PHC2: variants seen among roughly 807,000 people sequenced by gnomAD.
PHC2 encodes the protein polyhomeotic homolog 2.
A neutral mutation model predicts 87.4 loss-of-function variants in PHC2; 29 were observed. The ratio of observed to expected loss-of-function variants is 0.33; its 90% CI spans 0.25 to 0.45. PHC2 has a LOEUF of 0.45. Ranked by LOEUF, PHC2 falls within the 20% of genes least tolerant of loss-of-function variation. The pLI is 1.00. For missense variants in PHC2, 857 were observed against 1,136.7 expected (o/e 0.75, Z 3.54); for synonymous variants, 438 against 461.7 (o/e 0.95, Z 0.66).
At position 33,370,999 on chromosome 1, in the gene PHC2, C is replaced by T; in HGVS notation, c.411+18G>A. On this transcript the variant is annotated intron_variant, in intron 4 of 14. Coordinates refer to ENST00000683057, the MANE Select transcript of PHC2 (RefSeq NM_001385109.1). ...CCTGGGGCTGTGGACTCTGCTGCTG[C>T]TCCCCCATTCTACTCACCGAAGATG... The T allele has an allele frequency of 1.2e-6, 2 of 1,608,030 alleles. No homozygotes were observed. Among genetic ancestry groups the T allele is most frequent in the Middle Eastern group, 3.3e-4 (2 of 5,982 alleles).
At chr1:33,410,748 C>G (rs761990653) in intron 1 of PHC2, among the ~76,000 whole-genome samples, 5 of 152,120 alleles carry the variant, frequency 3.3e-5, no homozygotes, top group Non-Finnish European at 7.3e-5. Flanking sequence ...CTGGAACTGG[C>G]ATTGGGGGAA....
rs1404372420 is a variant in PHC2 at position 33,354,842 on chromosome 1, G to C, written c.1388C>G (p.Pro463Arg). 3 of 1,613,176 alleles carry C rather than the reference G, an allele frequency of 1.9e-6. No individual in the cohort carries two copies. The highest frequency in any genetic ancestry group is 2.5e-6 in the Non-Finnish European group (3 of 1,179,502). ...AVILQLQPASPVPQQCVPDDW... is the reference protein window; with the variant it reads ...AVILQLQPASRVPQQCVPDDW... ...CCTTGGGGCTGGCTTACTCACCACT[G>C]GTGAAGCAGGCTGCAGTTGTAAGAT... Residue 463 changes from proline to arginine, a missense_variant, in exon 8 of 15, where the codon CCA becomes CGA. Transcript: ENST00000683057.
intron 3 of PHC2, among the ~76,000 whole-genome samples, chr1:33,371,300 G>A (rs1180491397): frequency 6.6e-6 from 1 of 152,102 alleles, no homozygotes; most frequent in Non-Finnish European, 1.5e-5. Flanking sequence ...CTGCCTGATA[G>A]GATTGCTGAG....
Position 33,349,189 on chromosome 1 carries a change from C to A in PHC2, c.1558+5212G>T, listed in dbSNP as rs1359265418. On this transcript the variant is annotated intron_variant, in intron 9 of 14. Transcript: ENST00000683057. The surrounding 1 kb of genome is among the most constrained non-coding windows in gnomAD (Gnocchi z 4.2). The stretch of plus-strand genomic sequence containing the variant: ...TAAAAACAAAACTCTCCAGCGAAGC[C>A]GCAGGCGCCTCCAAGATAGGGAGTC... 1 of 985,356 alleles carries A rather than the reference C, an allele frequency of 1.0e-6. No individual in the cohort carries two copies. Among genetic ancestry groups the A allele is most frequent in the Non-Finnish European group, 1.2e-6 (1 of 829,956 alleles). The allele number at this position is 985,356 out of a possible 1,614,324, so 61.0% of individuals were successfully genotyped here. A position where few individuals can be genotyped will look rare whatever the true frequency, so the allele number is the denominator to read the frequency against.
At chr1:33,378,338 A>T (rs541493587) in intron 1 of PHC2, among the ~76,000 whole-genome samples, 1 of 152,342 alleles carries the variant, frequency 6.6e-6, no homozygotes, top group Admixed American at 6.5e-5. Flanking sequence ...TTGAAATTAT[A>T]AGGATCATCA....
At chr1:33,400,216 G>A (rs1293927355) in intron 1 of PHC2, among the ~76,000 whole-genome samples, 6 of 152,178 alleles carry the variant, frequency 3.9e-5, no homozygotes, top group African/African-American at 1.4e-4. Context: ...ATCTGTTTTA[G>A]AGGGCAATTT....
At chr1:33,399,365 A>T (rs1472067902) in intron 1 of PHC2, among the ~76,000 whole-genome samples, 1 of 152,198 alleles carries the variant, frequency 6.6e-6, no homozygotes, top group Admixed American at 6.5e-5. Context: ...TAGTCACATT[A>T]TCATTATCAC....
intron 9 of PHC2, among the ~76,000 whole-genome samples, chr1:33,348,104 G>A (rs1451841575): frequency 3.3e-5 from 5 of 152,192 alleles, no homozygotes; most frequent in Non-Finnish European, 7.3e-5. Context: ...GAACTGCTTT[G>A]CTGTGCTGGT....
rs1647359588 is a variant in PHC2 at position 33,364,909 on chromosome 1, T to C, written c.976+2207A>G. 6.6e-6 allele frequency among the ~76,000 whole-genome samples: 1 copy of C among 152,190 alleles called. No homozygotes were observed. Among genetic ancestry groups the C allele is most frequent in the Non-Finnish European group, 1.5e-5 (1 of 68,030 alleles). ...CCTCAAGCCTGTCACCTGCTGGTGT[T>C]TACCTTTACATGGGGTCTCCACCAG... is the stretch of plus-strand genomic sequence containing the variant. On this transcript the variant is annotated intron_variant, in intron 7 of 14. Transcript: ENST00000683057. The surrounding 1 kb of genome is among the most constrained non-coding windows in gnomAD (Gnocchi z 4.1).
intron 1 of PHC2, among the ~76,000 whole-genome samples, chr1:33,417,392 T>G (rs550801097): frequency 1.3e-5 from 2 of 152,244 alleles, no homozygotes; most frequent in South Asian, 4.1e-4. Flanking sequence ...TACAGAAACA[T>G]ACTTTAAAAA....
At chr1:33,428,976 T>A (rs1405004943) in intron 1 of PHC2, among the ~76,000 whole-genome samples, 1 of 152,230 alleles carries the variant, frequency 6.6e-6, no homozygotes, top group African/African-American at 2.4e-5. Context: ...CCTCTCTTAA[T>A]CCAGATCCTT....
chr1:33,381,696 G>A (rs971500453), intron 1 of PHC2, among the ~76,000 whole-genome samples: 6 of 150,674 alleles, frequency 4.0e-5, no homozygotes, highest in Non-Finnish European at 5.9e-5. Context: ...CACACTGGGT[G>A]AAGTCCGTGT....
intron 1 of PHC2, among the ~76,000 whole-genome samples, chr1:33,385,459 C>T (rs535141294): frequency 6.6e-6 from 1 of 152,212 alleles, no homozygotes; most frequent in Non-Finnish European, 1.5e-5. Context: ...TGTTACGTAA[C>T]CTTTCTGCGC....
At chr1:33,370,643 C>A (rs139192586) in intron 4 of PHC2, 58 bp from the exon 5 acceptor site, 1 of 1,493,678 alleles carries the variant, frequency 6.7e-7, no homozygotes, top group South Asian at 1.2e-5. Context: ...AGCTGTGTCC[C>A]CCTCATCCAT....
In PHC2 at chr1:33,330,107, G is replaced by A. The variant is rs1225149721; in HGVS notation, c.2112C>T (p.Ala704=). Reference sequence around the variant, plus strand: ...TATCCTTGGTAAGTGGTGGCAGACTGGCTTTGCTGGCCCGACGGCGGTTGT... The same window carrying A: ...TATCCTTGGTAAGTGGTGGCAGACTAGCTTTGCTGGCCCGACGGCGGTTGT... ...ATHNRRRASK[A]SLPPLTKDTK... Residue 704 remains alanine, a synonymous_variant, in exon 13 of 15, where the codon GCC becomes GCT. Coordinates refer to ENST00000683057, the MANE Select transcript of PHC2 (RefSeq NM_001385109.1). 1.2e-6 allele frequency: 2 copies of A among 1,614,182 alleles called. No homozygotes were observed. Among genetic ancestry groups the A allele is most frequent in the East Asian group, 4.5e-5 (2 of 44,882 alleles).
chr1:33,414,207 ACACACACACAC>A (rs1650109607), intron 1 of PHC2, among the ~76,000 whole-genome samples: 1 of 152,010 alleles, frequency 6.6e-6, no homozygotes, highest in Admixed American at 6.5e-5. Flanking sequence ...ACACACACAC[ACACACACACAC>A]AAGAAAGGTT....
intron 1 of PHC2, among the ~76,000 whole-genome samples, chr1:33,396,018 A>T (rs1649278273): frequency 6.6e-6 from 1 of 152,216 alleles, no homozygotes; most frequent in Non-Finnish European, 1.5e-5. Flanking sequence ...ATGGGACAAA[A>T]TATTTGAAAT....
intron 5 of PHC2, among the ~76,000 whole-genome samples, 190 bp downstream of exon 5, chr1:33,370,231 C>T (rs775083111): frequency 2.0e-5 from 3 of 152,160 alleles, no homozygotes; most frequent in Non-Finnish European, 4.4e-5. Context: ...GAGCCCCACC[C>T]TTCATGACTC....
intron 1 of PHC2, among the ~76,000 whole-genome samples, chr1:33,397,492 G>C (rs1649343999): frequency 1.3e-5 from 2 of 152,204 alleles, no homozygotes; most frequent in Admixed American, 1.3e-4. Context: ...TACCCTGTTA[G>C]ACAAGGAGGA....
Sources: gnomAD v4.1 joint callset for allele counts (sites outside exome capture counted in the v4.1 genomes callset) on GRCh38, gnomAD v4.1.1 for gene constraint, Gnocchi (gnomAD v3.1) non-coding constraint, MANE v1.5 for transcripts, NCBI Gene and HGNC (gene_info 2026-07-23, HGNC 2026-07-21) for gene names.